The following PCDHGB6 variants were observed in gnomAD, a reference collection of about 807,000 sequenced individuals.
PCDHGB6 encodes the protein protocadherin gamma subfamily B, 6.
PCDHGB6 carries 51 observed loss-of-function variants against 59.1 expected under a neutral mutation model. That is an observed-to-expected ratio of 0.86 (90% CI 0.69 to 1.09). The LOEUF (loss-of-function observed/expected upper bound fraction) is 1.09, where lower values mean the gene tolerates loss of function less well. Among genes scored for constraint, PCDHGB6 ranks in the 50% least tolerant of loss-of-function variants. PCDHGB6 has a pLI of 0.00. For missense variants in PCDHGB6, 1,148 were observed against 1,205.1 expected (o/e 0.95, Z 0.70); for synonymous variants, 466 against 495.1 (o/e 0.94, Z 0.78).
Position 141,432,098 on chromosome 5 carries a change from G to A in PCDHGB6, c.2418+21478G>A. 1.2e-6 allele frequency: 2 copies of A among 1,614,056 alleles called. No homozygotes were observed. Among genetic ancestry groups the A allele is most frequent in the Non-Finnish European group, 1.7e-6 (2 of 1,180,002 alleles). ...CTCGCTGAACGTGGCAGACACCAAC[G>A]ACAACCCGCCGGTCTTCCCTCAGGC... On this transcript the variant is annotated intron_variant, in intron 1 of 3. Transcript: ENST00000520790. The surrounding 1 kb of genome is among the most constrained non-coding windows in gnomAD (Gnocchi z 6.0).
At chr5:141,478,329 C>T (rs1295950117) in intron 1 of PCDHGB6, 1 of 1,613,982 alleles carries the variant, frequency 6.2e-7, no homozygotes, top group African/African-American at 1.3e-5. Context: ...TACCGAACAC[C>T]AGGGCCCTCC....
At chr5:141,446,143 T>G (rs2098490523) in intron 1 of PCDHGB6, among the ~76,000 whole-genome samples, 1 of 152,204 alleles carries the variant, frequency 6.6e-6, no homozygotes, top group Admixed American at 6.5e-5. Flanking sequence ...AATAATGGAA[T>G]AGGTGGAATA....
intron 1 of PCDHGB6, among the ~76,000 whole-genome samples, chr5:141,437,811 C>A (rs964885701): frequency 6.6e-6 from 1 of 150,864 alleles, no homozygotes; most frequent in African/African-American, 2.4e-5. Flanking sequence ...TATCTTGGCT[C>A]ACTGCAACCT....
intron 3 of PCDHGB6, among the ~76,000 whole-genome samples, chr5:141,509,345 G>A (rs1203328830): frequency 6.6e-6 from 1 of 152,196 alleles, no homozygotes; most frequent in Non-Finnish European, 1.5e-5. Flanking sequence ...GGCCTGGGCT[G>A]GCCTGGGCAT....
rs1161697588 is a variant in PCDHGB6, at chr5:141,491,464, T to C, written c.2419-3343T>C. 7 of 1,613,982 alleles carry C rather than the reference T, an allele frequency of 4.3e-6. No homozygotes were observed. In the African/African-American group the frequency reaches 9.3e-5, roughly 22 times the overall value. On this transcript the variant is annotated intron_variant, in intron 1 of 3. Transcript: ENST00000520790. This position sits in a 1 kb window ranked among gnomAD's most constrained non-coding sequence, Gnocchi z 6.9. ...CCAGGACTCACCCTCCCCGGACTTCTATAAGCAGTCCAGCCCCAACCTGCA... is the reference window on the plus strand; with the variant it reads ...CCAGGACTCACCCTCCCCGGACTTCCATAAGCAGTCCAGCCCCAACCTGCA...
intron 1 of PCDHGB6, among the ~76,000 whole-genome samples, chr5:141,466,868 CA>C (rs1343260699): frequency 1.3e-5 from 2 of 152,100 alleles, no homozygotes; most frequent in African/African-American, 2.4e-5. Flanking sequence ...GAAATCCACA[CA>C]TTTTTTTCAT....
chr5:141,415,747 T>TTTG, intron 1 of PCDHGB6: 1 of 797,602 alleles, frequency 1.3e-6, no homozygotes, highest in East Asian at 4.8e-5. Flanking sequence ...AAGGTTTTTT[T>TTTG]TTTTTTTTTT....
At chr5:141,415,884 A>C in intron 1 of PCDHGB6, 1 of 981,534 alleles carries the variant, frequency 1.0e-6, no homozygotes, top group Non-Finnish European at 1.4e-6. Context: ...TACAATATTG[A>C]CAATTCCTAA....
chr5:141,427,530 T>C (rs1302316196), intron 1 of PCDHGB6: 3 of 619,732 alleles, frequency 4.8e-6, no homozygotes, highest in Non-Finnish European at 9.0e-6. Context: ...GATCCCGGAG[T>C]ACAACGTCAC....
chr5:141,418,712 G>A (rs1431536945), intron 1 of PCDHGB6: 1 of 1,613,976 alleles, frequency 6.2e-7, no homozygotes, highest in African/African-American at 1.3e-5. Context: ...CTTTGGTGTG[G>A]CTGACAAAGC....
In PCDHGB6 at chr5:141,431,465, AACG is replaced by A; in HGVS notation, c.2418+20848_2418+20850del. 1.9e-6 allele frequency: 3 copies of A among 1,613,790 alleles called. No homozygotes were observed. The highest frequency in any genetic ancestry group is 2.5e-6 in the Non-Finnish European group (3 of 1,179,970). ...CATCCGCGTGATGGTTCTGGATGCGAACGACAACGCACCAGCGTTTGCTCAGCC... is the reference window on the plus strand; with the variant it reads ...CATCCGCGTGATGGTTCTGGATGCGAACAACGCACCAGCGTTTGCTCAGCC... On this transcript the variant is annotated intron_variant, in intron 1 of 3. Transcript: ENST00000520790. The surrounding 1 kb of genome is among the most constrained non-coding windows in gnomAD (Gnocchi z 4.8).
chr5:141,428,513 AAAG>A (rs891793310), intron 1 of PCDHGB6: 2 of 280,938 alleles, frequency 7.1e-6, no homozygotes, highest in Non-Finnish European at 1.4e-5. Context: ...GATTCTAGAA[AAAG>A]AAGATTTAAT....
chr5:141,496,103 C>G (rs779317844), intron 2 of PCDHGB6, among the ~76,000 whole-genome samples: 1 of 152,100 alleles, frequency 6.6e-6, no homozygotes, highest in Non-Finnish European at 1.5e-5. Flanking sequence ...ACCAACACCC[C>G]GCTCTCTTCC....
At chr5:141,505,332 A>C in intron 2 of PCDHGB6, 61 bp from the exon 3 acceptor site, 1 of 1,610,872 alleles carries the variant, frequency 6.2e-7, no homozygotes, top group South Asian at 1.1e-5. Flanking sequence ...GGGAGAGGAC[A>C]GGAGGGGCAT....
chr5:141,481,730 G>A (rs778885944), intron 1 of PCDHGB6, among the ~76,000 whole-genome samples: 1 of 151,952 alleles, frequency 6.6e-6, no homozygotes, highest in African/African-American at 2.4e-5. Context: ...GAGGCGGGCG[G>A]ATCACGAGGT....
intron 1 of PCDHGB6, among the ~76,000 whole-genome samples, chr5:141,445,119 T>C (rs975225604): frequency 1.3e-5 from 2 of 152,270 alleles, no homozygotes; most frequent in African/African-American, 4.8e-5. Context: ...TTGTAAATAG[T>C]ATTTTTAAAA....
At chr5:141,481,779 C>T (rs1367771159) in intron 1 of PCDHGB6, among the ~76,000 whole-genome samples, 2 of 152,092 alleles carry the variant, frequency 1.3e-5, no homozygotes, top group Non-Finnish European at 2.9e-5. Flanking sequence ...TGGTGAAACC[C>T]CGTCTCTACT....
At chr5:141,418,343 A>G in intron 1 of PCDHGB6, 1 of 1,614,010 alleles carries the variant, frequency 6.2e-7, no homozygotes, top group Non-Finnish European at 8.5e-7. Flanking sequence ...AGATCCTGAT[A>G]TTAGTATGAA....
intron 3 of PCDHGB6, among the ~76,000 whole-genome samples, 153 bp from the exon 4 acceptor site, chr5:141,510,790 GAAGA>G (rs982513431): frequency 6.6e-5 from 10 of 152,264 alleles, no homozygotes; most frequent in African/African-American, 2.4e-4. Context: ...CAACTCTTGT[GAAGA>G]GAGACTACCT....
Sources: gnomAD v4.1 joint callset for allele counts (sites outside exome capture counted in the v4.1 genomes callset) on GRCh38, gnomAD v4.1.1 for gene constraint, Gnocchi (gnomAD v3.1) non-coding constraint, MANE v1.5 for transcripts, NCBI Gene and HGNC (gene_info 2026-07-23, HGNC 2026-07-21) for gene names.